ZNF331: variants seen among roughly 807,000 people sequenced by gnomAD.
The protein encoded by ZNF331 is zinc finger protein 331, also known as C2H2-like zinc finger protein rearranged in thyroid adenomas.
In ZNF331, 2 loss-of-function variants were observed where a neutral mutation model predicts 7.0. The ratio of observed to expected loss-of-function variants is 0.29; its 90% CI spans 0.12 to 0.90. ZNF331 has a LOEUF of 0.90. ZNF331 is among the 40% of genes least tolerant of loss of function. The pLI, the probability that ZNF331 is intolerant of heterozygous loss-of-function variation, is 0.58. For missense variants in ZNF331, 432 were observed against 587.7 expected, an observed-to-expected ratio of 0.74 and a Z score of 2.74; for synonymous variants, 196 against 205.4, an observed-to-expected ratio of 0.95 and a Z score of 0.39.
In ZNF331 at chr19:53,577,086, C is replaced by G; in HGVS notation, c.526C>G (p.Gln176Glu). 1 of 1,613,964 alleles carries G rather than the reference C, an allele frequency of 6.2e-7. No homozygotes were observed. The highest frequency in any genetic ancestry group is 8.5e-7 in the Non-Finnish European group (1 of 1,179,980). Residue 176 changes from glutamine to glutamate, a missense_variant, in exon 6 of 6, where the codon CAA becomes GAA. Physicochemically the swap from Gln to Glu is conservative, Grantham distance 29. Transcript: ENST00000449416. ...CTTCCGTTGGGGCAATCAGCTTACT[C>G]AACATCAAAAAATTCATACTGGGGA... ...KAFRWGNQLT[Q>E]HQKIHTGEKP...
upstream of ZNF331, among the ~76,000 whole-genome samples, chr19:53,515,264 T>C (rs1180286442): frequency 6.6e-6 from 1 of 152,198 alleles, no homozygotes. Flanking sequence ...CATTGATGAA[T>C]GCAAACCACA....
chr19:53,546,149 A>G (rs957015256), intron 2 of ZNF331, among the ~76,000 whole-genome samples: 11 of 115,936 alleles, frequency 9.5e-5, no homozygotes, highest in African/African-American at 4.6e-4. Flanking sequence ...GGAAAAAAAA[A>G]AAAAAAAAAA....
intron 3 of ZNF331, among the ~76,000 whole-genome samples, chr19:53,561,921 G>T (rs987425641): frequency 6.6e-6 from 1 of 152,160 alleles, no homozygotes; most frequent in African/African-American, 2.4e-5. Context: ...GCTGAGGCAG[G>T]TAGATCACCT....
intron 2 of ZNF331, among the ~76,000 whole-genome samples, chr19:53,550,900 G>T (rs2088962208): frequency 6.8e-6 from 1 of 146,442 alleles, no homozygotes; most frequent in African/African-American, 2.6e-5. Flanking sequence ...ACCCAGTCTG[G>T]AGTGCAAGGT....
intron 2 of ZNF331, among the ~76,000 whole-genome samples, chr19:53,547,739 T>G (rs73051553): frequency 0.049 from 7,515 of 152,240 alleles, 208 homozygotes; most frequent in Non-Finnish European, 0.065. Context: ...AGGTGATATC[T>G]CATTGTGGTT....
upstream of ZNF331, among the ~76,000 whole-genome samples, chr19:53,536,527 T>C (rs568203453): frequency 2.2e-4 from 33 of 152,366 alleles, no homozygotes; most frequent in African/African-American, 7.7e-4. Context: ...TATTAGGAAA[T>C]GTACTCTATG....
chr19:53,519,257 C>G (rs979317710), upstream of ZNF331, among the ~76,000 whole-genome samples: 1 of 152,158 alleles, frequency 6.6e-6, no homozygotes, highest in African/African-American at 2.4e-5. Flanking sequence ...CAATGATTCT[C>G]TCCCAACAAC....
chr19:53,531,661 G>A (rs1443931983), intron 2 of ZNF331, among the ~76,000 whole-genome samples: 1 of 152,160 alleles, frequency 6.6e-6, no homozygotes, highest in African/African-American at 2.4e-5. Flanking sequence ...TGGAGTTTGA[G>A]CAAACTTCTG....
chr19:53,571,847 A>G lies in ZNF331; in HGVS notation c.136+117A>G. The G allele has an allele frequency of 7.2e-7, 1 of 1,382,718 alleles. No individual in the cohort carries two copies. The highest frequency in any genetic ancestry group is 9.8e-7 in the Non-Finnish European group (1 of 1,022,660). 85.7% of individuals were successfully genotyped at this position (1,382,718 alleles called of 1,614,324 possible). ...AATTTCTTCTTCCTGTCCCCAAGGAATGTATTGAGCCTTATTGATGTGGCC... is the reference window on the plus strand; with the variant it reads ...AATTTCTTCTTCCTGTCCCCAAGGAGTGTATTGAGCCTTATTGATGTGGCC... On this transcript the variant is annotated intron_variant, in intron 5 of 5. Coordinates refer to ENST00000449416, the MANE Select transcript of ZNF331 (RefSeq NM_001079906.2). This position sits in a 1 kb window ranked among gnomAD's most constrained non-coding sequence, Gnocchi z 4.7.
intron 2 of ZNF331, among the ~76,000 whole-genome samples, chr19:53,544,279 C>T (rs1600291407): frequency 6.7e-6 from 1 of 149,646 alleles, no homozygotes; most frequent in Non-Finnish European, 1.5e-5. Context: ...GGTGTGGTGG[C>T]TCATGCCTGT....
intron 5 of ZNF331, among the ~76,000 whole-genome samples, chr19:53,574,436 C>T (rs1368876979): frequency 6.6e-6 from 1 of 152,160 alleles, no homozygotes; most frequent in East Asian, 1.9e-4. Flanking sequence ...AAAGATCTTA[C>T]CACGAACTTG....
Position 53,579,479 on chromosome 19 carries a change from A to G in ZNF331, c.*1527A>G, listed in dbSNP as rs540137053. The G allele has an allele frequency of 7.9e-4, 166 of 210,378 alleles. 1 individual carries two copies. Among genetic ancestry groups the G allele is most frequent in the African/African-American group, 3.7e-3 (162 of 44,214 alleles). 13.0% of individuals were successfully genotyped at this position (210,378 alleles called of 1,614,324 possible). On this transcript the variant is annotated 3_prime_UTR_variant, in exon 6 of 6. Coordinates refer to ENST00000449416, the MANE Select transcript of ZNF331 (RefSeq NM_001079906.2). Reference sequence around the variant, plus strand: ...ATCACATCTACCTGAGACTGCTATCATGGAAATTAAATGTTTGGTACATGT... The same window carrying G: ...ATCACATCTACCTGAGACTGCTATCGTGGAAATTAAATGTTTGGTACATGT...
intron 2 of ZNF331, among the ~76,000 whole-genome samples, chr19:53,531,207 G>A (rs1482086785): frequency 6.6e-6 from 1 of 152,146 alleles, no homozygotes; most frequent in Non-Finnish European, 1.5e-5. Context: ...AGTGAGTTAC[G>A]TTTTATTCAT....
At chr19:53,548,787 A>G (rs1355431414) in intron 2 of ZNF331, among the ~76,000 whole-genome samples, 1 of 151,996 alleles carries the variant, frequency 6.6e-6, no homozygotes, top group Non-Finnish European at 1.5e-5. Flanking sequence ...GTAGTTTTAC[A>G]GTTTCTGGTC....
At chr19:53,536,879 G>C (rs1014803395), upstream of ZNF331, among the ~76,000 whole-genome samples, 1 of 152,130 alleles carries the variant, frequency 6.6e-6, no homozygotes, top group Non-Finnish European at 1.5e-5. Flanking sequence ...CTTGAGCCTG[G>C]GCAACAAGAG....
chr19:53,538,860 C>CG (rs1260651435), intron 1 of ZNF331: 1 of 152,390 alleles, frequency 6.6e-6, no homozygotes, highest in African/African-American at 2.4e-5. Context: ...CCTAACCAAG[C>CG]GGTACCTGCC....
At chr19:53,506,958 T>C in the ZNF331 span, among the ~76,000 whole-genome samples, 2 of 152,118 alleles carry the variant, frequency 1.3e-5, no homozygotes, top group South Asian at 2.1e-4. Context: ...ATGCAGATGA[T>C]GTTGTGTGTC....
chr19:53,560,309 AC>A lies in ZNF331; in HGVS notation c.-74+4403del, dbSNP rs1317127521. 4.6e-5 allele frequency among the ~76,000 whole-genome samples: 7 copies of A among 151,814 alleles called. No individual in the cohort carries two copies. The highest frequency in any genetic ancestry group is 1.0e-4 in the Non-Finnish European group (7 of 67,974). On this transcript the variant is annotated intron_variant, in intron 3 of 5. Transcript: ENST00000449416. This position sits in a 1 kb window ranked among gnomAD's most constrained non-coding sequence, Gnocchi z 4.3. Reference sequence around the variant, plus strand: ...TATGCACATATATATATACACCCACACCATATACACACACATACACATATAT... The same window carrying A: ...TATGCACATATATATATACACCCACACATATACACACACATACACATATAT...
chr19:53,554,969 T>G (rs2147459462), intron 2 of ZNF331: 1 of 154,294 alleles, frequency 6.5e-6, no homozygotes, highest in East Asian at 1.9e-4. Flanking sequence ...CTGTGTGGAG[T>G]GGCGGGGCCG....
Sources: allele counts gnomAD v4.1 joint callset (sites outside exome capture counted in the v4.1 genomes callset), GRCh38; gene constraint gnomAD v4.1.1; non-coding constraint Gnocchi (gnomAD v3.1); transcripts MANE v1.5; gene names NCBI Gene and HGNC (gene_info 2026-07-23, HGNC 2026-07-21).